CDH4: variants seen among roughly 807,000 people sequenced by gnomAD.
CDH4 encodes cadherin-4.
A neutral mutation model predicts 86.0 loss-of-function variants in CDH4; 33 were observed. The ratio of observed to expected loss-of-function variants is 0.38; its 90% confidence interval spans 0.29 to 0.51. The LOEUF (loss-of-function observed/expected upper bound fraction) is 0.51, where lower values mean the gene tolerates loss of function less well. Among genes scored for constraint, CDH4 ranks in the 20% least tolerant of loss-of-function variants. The probability of loss-of-function intolerance (pLI) is 0.86; values close to 1 mark genes in which losing one functional copy is unlikely to be tolerated. For synonymous variants in CDH4, 555 were observed against 549.4 expected (o/e 1.01, Z -0.14); for missense variants, 1,114 against 1,307.4 (o/e 0.85, Z 2.28).
At chr20:61,852,301 T>G (rs1982762339) in intron 5 of CDH4, among the ~76,000 whole-genome samples, 1 of 151,526 alleles carries the variant, frequency 6.6e-6, no homozygotes, top group Admixed American at 6.6e-5. Flanking sequence ...CCTCCCCATC[T>G]CCCCTGGGGA....
intron 4 of CDH4, among the ~76,000 whole-genome samples, chr20:61,803,976 T>A (rs1316181356): frequency 6.6e-6 from 1 of 152,218 alleles, no homozygotes; most frequent in African/African-American, 2.4e-5. Context: ...CGAGTGAAAC[T>A]TTTTTGTTGT....
At chr20:61,923,801 C>G in intron 10 of CDH4, 97 bp downstream of exon 10, 2 of 1,458,318 alleles carry the variant, frequency 1.4e-6, no homozygotes, top group South Asian at 2.6e-5. Flanking sequence ...GCCCAGAATT[C>G]CCCCAGATGG....
chr20:61,836,958 C>A (rs1422593106), intron 4 of CDH4, among the ~76,000 whole-genome samples: 1 of 152,212 alleles, frequency 6.6e-6, no homozygotes, highest in Non-Finnish European at 1.5e-5. Flanking sequence ...CTTTGGGAGG[C>A]TGAGGCAGGA....
chr20:61,346,434 A>G (rs987652274), intron 2 of CDH4, among the ~76,000 whole-genome samples: 2 of 152,090 alleles, frequency 1.3e-5, no homozygotes, highest in African/African-American at 2.4e-5. Flanking sequence ...GTGCTGTTGG[A>G]TTTGAGGTTT....
intron 5 of CDH4, among the ~76,000 whole-genome samples, chr20:61,849,443 A>G (rs951517764): frequency 2.0e-5 from 3 of 152,240 alleles, no homozygotes; most frequent in Admixed American, 2.0e-4. Context: ...TCAGAAGTCC[A>G]GATGGGCTTG....
At chr20:61,441,848 C>A (rs763346825) in intron 2 of CDH4, among the ~76,000 whole-genome samples, 1 of 152,100 alleles carries the variant, frequency 6.6e-6, no homozygotes, top group Non-Finnish European at 1.5e-5. Context: ...ACGACAGGAC[C>A]CTAACAACAA....
chr20:61,872,293 G>A (rs1202060043), intron 6 of CDH4, among the ~76,000 whole-genome samples: 1 of 152,174 alleles, frequency 6.6e-6, no homozygotes, highest in Non-Finnish European at 1.5e-5. Context: ...TTCAATGCAG[G>A]TGAGATGAGG....
intron 2 of CDH4, among the ~76,000 whole-genome samples, chr20:61,525,783 T>C (rs1443865618): frequency 6.6e-6 from 1 of 152,168 alleles, no homozygotes; most frequent in African/African-American, 2.4e-5. Context: ...GGCTGCCCCT[T>C]GCCTATCCTC....
chr20:61,452,484 C>T (rs1345783386), intron 2 of CDH4, among the ~76,000 whole-genome samples: 1 of 152,194 alleles, frequency 6.6e-6, no homozygotes, highest in African/African-American at 2.4e-5. Context: ...TCAAATGCAG[C>T]TCTTCTTGTG....
chr20:61,524,309 C>G (rs1408116530), intron 2 of CDH4, among the ~76,000 whole-genome samples: 3 of 152,110 alleles, frequency 2.0e-5, no homozygotes, highest in African/African-American at 7.2e-5. Context: ...CCGGGGAAAG[C>G]TGGAGAAGAC....
rs181082144 is a variant in CDH4 at position 61,489,973 on chromosome 20, A to T, written c.169+235036A>T. Among the ~76,000 whole-genome samples, 545 of 152,084 alleles carry T rather than the reference A, an allele frequency of 3.6e-3. 7 individuals carry two copies. Among genetic ancestry groups the T allele is most frequent in the African/African-American group, 0.011 (468 of 41,460 alleles). On this transcript the variant is annotated intron_variant, in intron 2 of 15. Coordinates refer to ENST00000614565, the MANE Select transcript of CDH4 (RefSeq NM_001794.5). ...GGCCCAAGGAGTTGTATTTTTTTTT[A>T]AATTTTTCAGATCATTGTGATGATG...
rs141982383 is a variant in CDH4 at position 61,743,199 on chromosome 20, G to T, written c.170-364G>T. Among the ~76,000 whole-genome samples the T allele has an allele frequency of 1.0e-3, 159 of 152,322 alleles. 4 individuals are homozygous for T. The East Asian group carries it at 0.029, about 28-fold the overall frequency. On this transcript the variant is annotated intron_variant, in intron 2 of 15. Coordinates refer to ENST00000614565, the MANE Select transcript of CDH4 (RefSeq NM_001794.5). ...AAGAAGATTTGCATAGGCAAGAGTG[G>T]GGGGAACTGAGGGAATATTTTTGAG...
At chr20:61,745,670 C>T (rs1294169461) in intron 3 of CDH4, among the ~76,000 whole-genome samples, 1 of 152,058 alleles carries the variant, frequency 6.6e-6, no homozygotes, top group East Asian at 1.9e-4. Flanking sequence ...GCAAGGCAGG[C>T]CCTTGGACAG....
At chr20:61,575,462 T>TTG (rs1158881245) in intron 2 of CDH4, among the ~76,000 whole-genome samples, 2 of 152,178 alleles carry the variant, frequency 1.3e-5, no homozygotes, top group African/African-American at 4.8e-5. Flanking sequence ...TCTATAATGG[T>TTG]GGTAGAAAGA....
In CDH4 at chr20:61,780,900, G is replaced by A. The variant is rs1449730396; in HGVS notation, c.576+7718G>A. ...CTGGTCACAGGAGCTGTAAGATGGAGTTTAGAATTGACAAAGCAGCTGGAA... is the reference window on the plus strand; with the variant it reads ...CTGGTCACAGGAGCTGTAAGATGGAATTTAGAATTGACAAAGCAGCTGGAA... On this transcript the variant is annotated intron_variant, in intron 4 of 15. Coordinates refer to ENST00000614565, the MANE Select transcript of CDH4 (RefSeq NM_001794.5). 2.0e-5 allele frequency among the ~76,000 whole-genome samples: 3 copies of A among 152,204 alleles called. No homozygotes were observed. The East Asian group carries it at 5.8e-4, about 29-fold the overall frequency.
intron 3 of CDH4, among the ~76,000 whole-genome samples, chr20:61,768,416 C>T (rs905218950): frequency 3.9e-5 from 6 of 152,146 alleles, no homozygotes; most frequent in South Asian, 2.1e-4. Flanking sequence ...TACACATGTG[C>T]GCATGTGTAC....
chr20:61,854,633 T>C (rs945743669), intron 6 of CDH4, among the ~76,000 whole-genome samples: 1 of 148,528 alleles, frequency 6.7e-6, no homozygotes, highest in Non-Finnish European at 1.5e-5. Context: ...CAGGGTGAAT[T>C]GCACCTTTGG....
chr20:61,411,065 C>G (rs1455575046), intron 2 of CDH4, among the ~76,000 whole-genome samples: 1 of 151,466 alleles, frequency 6.6e-6, no homozygotes, highest in Admixed American at 6.6e-5. Flanking sequence ...CATCTTCCTA[C>G]TTGTTAGCCC....
At chr20:61,772,849 G>A (rs1274976662) in intron 3 of CDH4, among the ~76,000 whole-genome samples, 154 bp from the exon 4 acceptor site, 4 of 150,086 alleles carry the variant, frequency 2.7e-5, no homozygotes, top group African/African-American at 7.4e-5. Flanking sequence ...CTTTCCCAGC[G>A]TTATCCCGCC....
Sources: allele counts gnomAD v4.1 joint callset (sites outside exome capture counted in the v4.1 genomes callset), GRCh38; gene constraint gnomAD v4.1.1; transcripts MANE v1.5; gene names NCBI Gene and HGNC (gene_info 2026-07-23, HGNC 2026-07-21).